Variants in EIF3E observed in about 807,000 individuals in gnomAD.
EIF3E encodes the protein eukaryotic translation initiation factor 3 subunit E.
Under a neutral mutation model 59.3 loss-of-function variants are expected in EIF3E, and 25 were observed. The observed-to-expected ratio is 0.42, with a 90% confidence interval of 0.31 to 0.59. The LOEUF (loss-of-function observed/expected upper bound fraction) is 0.59. Ranked by LOEUF, EIF3E falls within the 20% of genes least tolerant of loss-of-function variation. The pLI, the probability that EIF3E is intolerant of heterozygous loss-of-function variation, is 0.15. For synonymous variants in EIF3E, 176 were observed against 170.2 expected, an observed-to-expected ratio of 1.03 and a Z score of -0.26; for missense variants, 317 against 534.3, an observed-to-expected ratio of 0.59 and a Z score of 4.01.
chr8:108,220,713 A>G (rs1815395466), intron 7 of EIF3E, among the ~76,000 whole-genome samples: 1 of 152,248 alleles, frequency 6.6e-6, no homozygotes, highest in Non-Finnish European at 1.5e-5. Context: ...CATGCTGTCA[A>G]TATCCTCAAC....
chr8:108,204,746 T>TATATATATATATATATAGAG (rs1354950271), intron 10 of EIF3E, among the ~76,000 whole-genome samples: 7 of 113,680 alleles, frequency 6.2e-5, no homozygotes, highest in Non-Finnish European at 8.8e-5. Flanking sequence ...TATATATATA[T>TATATATATATATATATAGAG]AGAGAGAGAG....
chr8:108,235,314 A>G (rs1815706906), intron 4 of EIF3E, among the ~76,000 whole-genome samples: 1 of 152,176 alleles, frequency 6.6e-6, no homozygotes, highest in Non-Finnish European at 1.5e-5. Context: ...GAGTTATTTA[A>G]AGAAGTAAAC....
chr8:108,241,172 A>G (rs1290371408), intron 2 of EIF3E, among the ~76,000 whole-genome samples: 1 of 152,206 alleles, frequency 6.6e-6, no homozygotes, highest in African/African-American at 2.4e-5. Flanking sequence ...TCTATGATCA[A>G]ATTTTGAGAA....
intron 1 of EIF3E, among the ~76,000 whole-genome samples, chr8:108,248,123 C>G (rs958954956): frequency 6.6e-6 from 1 of 151,988 alleles, no homozygotes; most frequent in South Asian, 2.1e-4. Context: ...GAACTCACAA[C>G]TTCATGGAAA....
chr8:108,214,083 TTC>T (rs1279290990), intron 10 of EIF3E, among the ~76,000 whole-genome samples: 5 of 152,218 alleles, frequency 3.3e-5, no homozygotes, highest in African/African-American at 1.2e-4. Context: ...TCCCAATATT[TTC>T]TGACAAAACA....
In EIF3E at chr8:108,241,789, C is replaced by CA. The variant is rs1264281366; in HGVS notation, c.205+9dup. 6.6e-7 allele frequency: 1 copy of CA among 1,514,764 alleles called. No homozygotes were observed. The highest frequency in any genetic ancestry group is 2.3e-5 in the East Asian group (1 of 42,822). 93.8% of individuals were successfully genotyped at this position (1,514,764 alleles called of 1,614,324 possible). A position where few individuals can be genotyped will look rare whatever the true frequency, so the allele number is the denominator to read the frequency against. ...ACAAGACAAGTTTCAGTTCTAATGACAAAACTTACCATGAGGAATATCATC... is the reference window on the plus strand; with the variant it reads ...ACAAGACAAGTTTCAGTTCTAATGACAAAAACTTACCATGAGGAATATCATC... On this transcript the variant is annotated intron_variant, in intron 2 of 12. Coordinates refer to ENST00000220849, the MANE Select transcript of EIF3E (RefSeq NM_001568.3).
At chr8:108,241,447 A>C (rs971453582) in intron 2 of EIF3E, among the ~76,000 whole-genome samples, 2 of 152,098 alleles carry the variant, frequency 1.3e-5, no homozygotes, top group East Asian at 1.9e-4. Flanking sequence ...TAAAAAAAAA[A>C]ACACAAAACT....
intron 10 of EIF3E, among the ~76,000 whole-genome samples, chr8:108,208,631 G>C (rs945013336): frequency 3.3e-5 from 5 of 151,736 alleles, no homozygotes; most frequent in Non-Finnish European, 7.4e-5. Context: ...ATTGTTATGT[G>C]GTAATAAGAA....
At chr8:108,203,247 GA>G (rs1815029590) in intron 11 of EIF3E, 130 bp from the exon 12 acceptor site, 55 of 1,310,162 alleles carry the variant, frequency 4.2e-5, no homozygotes, top group East Asian at 4.8e-5. Flanking sequence ...TACCAAGGAA[GA>G]AAAAAAATAG....
At chr8:108,215,826 T>C (rs898246483) in intron 9 of EIF3E, among the ~76,000 whole-genome samples, 2 of 152,194 alleles carry the variant, frequency 1.3e-5, no homozygotes, top group African/African-American at 2.4e-5. Context: ...TTAAAACTTG[T>C]AAACTAATTA....
At chr8:108,242,894 C>A (rs1005221818) in intron 1 of EIF3E, 2 of 156,318 alleles carry the variant, frequency 1.3e-5, no homozygotes, top group African/African-American at 4.8e-5. Flanking sequence ...TGTAGACTAA[C>A]TGGAACCTAT....
chr8:108,220,472 C>G (rs954506935), intron 7 of EIF3E, among the ~76,000 whole-genome samples: 8 of 152,214 alleles, frequency 5.3e-5, no homozygotes, highest in Non-Finnish European at 8.8e-5. Flanking sequence ...TAACTTCTGA[C>G]AGAACACAAA....
At chr8:108,237,195 G>T (rs1371213084) in intron 3 of EIF3E, among the ~76,000 whole-genome samples, 2 of 146,328 alleles carry the variant, frequency 1.4e-5, no homozygotes, top group African/African-American at 5.5e-5. Context: ...TAATAATAAA[G>T]AAAGACATCA....
At chr8:108,211,408 T>C (rs1815208163) in intron 10 of EIF3E, among the ~76,000 whole-genome samples, 1 of 152,234 alleles carries the variant, frequency 6.6e-6, no homozygotes, top group Admixed American at 6.5e-5. Flanking sequence ...TTCAGAAGTA[T>C]CTGTTCATAT....
chr8:108,239,331 C>G (rs529399839), intron 3 of EIF3E, among the ~76,000 whole-genome samples: 3 of 152,126 alleles, frequency 2.0e-5, no homozygotes, highest in Non-Finnish European at 4.4e-5. Flanking sequence ...GCTGAGACTA[C>G]AAGCGCACAC....
intron 1 of EIF3E, among the ~76,000 whole-genome samples, chr8:108,248,153 T>C (rs1432551294): frequency 6.6e-6 from 1 of 152,180 alleles, no homozygotes; most frequent in East Asian, 1.9e-4. Flanking sequence ...TAGATACTTA[T>C]TTTAAGTGTA....
chr8:108,247,921 A>G (rs1815978007), intron 1 of EIF3E, among the ~76,000 whole-genome samples: 1 of 151,688 alleles, frequency 6.6e-6, no homozygotes, highest in Non-Finnish European at 1.5e-5. Flanking sequence ...TTTATTCATG[A>G]TATCTTGAGT....
chr8:108,203,237 T>C, intron 11 of EIF3E, 120 bp from the exon 12 acceptor site: 1 of 1,339,036 alleles, frequency 7.5e-7, no homozygotes, highest in Non-Finnish European at 1.0e-6. Flanking sequence ...TGACAATATT[T>C]ACCAAGGAAG....
At chr8:108,230,612 G>C (rs1005379842) in intron 5 of EIF3E, among the ~76,000 whole-genome samples, 2 of 152,014 alleles carry the variant, frequency 1.3e-5, no homozygotes, top group Non-Finnish European at 2.9e-5. Flanking sequence ...GGCACACTAA[G>C]AGCAGGCAAA....
Sources: allele counts gnomAD v4.1 joint callset (sites outside exome capture counted in the v4.1 genomes callset), GRCh38; gene constraint gnomAD v4.1.1; transcripts MANE v1.5; gene names NCBI Gene and HGNC (gene_info 2026-07-23, HGNC 2026-07-21).